Variants in NSUN2 observed in about 807,000 individuals in gnomAD.
NSUN2 encodes the protein NOP2/Sun RNA methyltransferase 2, also known as RNA cytosine C(5)-methyltransferase NSUN2.
NSUN2 carries 63 observed loss-of-function variants against 92.7 expected under a neutral mutation model. The ratio of observed to expected loss-of-function variants is 0.68; its 90% confidence interval spans 0.56 to 0.84. The LOEUF is 0.84. Among genes scored for constraint, NSUN2 ranks in the 40% least tolerant of loss-of-function variants. NSUN2 has a pLI of 0.00. For synonymous variants in NSUN2, 356 were observed against 348.3 expected (o/e 1.02, Z -0.25); for missense variants, 989 against 964.9 (o/e 1.02, Z -0.33).
At chr5:6,622,306 G>A (rs773369128) in intron 5 of NSUN2, among the ~76,000 whole-genome samples, 3 of 152,166 alleles carry the variant, frequency 2.0e-5, no homozygotes, top group Non-Finnish European at 4.4e-5. Flanking sequence ...CAAAGAGGAT[G>A]GGAGGAGAAT....
intron 14 of NSUN2, among the ~76,000 whole-genome samples, chr5:6,605,652 C>T (rs928813901): frequency 7.2e-5 from 11 of 152,150 alleles, no homozygotes; most frequent in African/African-American, 2.7e-4. Context: ...GCTTCTCTCC[C>T]TCAGCCGCTA....
rs149780056 is a variant in NSUN2 at position 6,602,997 on chromosome 5, G to A, written c.1958-497C>T. ...GGTTCTTGCCTGGAGACGGCAGTGG[G>A]AGACAGACTCCACAGAGCATGTTTT... On this transcript the variant is annotated intron_variant, in intron 17 of 18. Transcript: ENST00000264670. Among the ~76,000 whole-genome samples the A allele has an allele frequency of 2.8e-3, 429 of 152,298 alleles. 5 individuals are homozygous for A. Among genetic ancestry groups the A allele is most frequent in the African/African-American group, 1.0e-2 (415 of 41,556 alleles).
At chr5:6,601,721 C>G (rs976850684) in intron 18 of NSUN2, among the ~76,000 whole-genome samples, 1 of 152,136 alleles carries the variant, frequency 6.6e-6, no homozygotes, top group African/African-American at 2.4e-5. Context: ...CACTAACTTC[C>G]CAAAGAAATC....
rs1736960571 is a variant in NSUN2, at chr5:6,610,956, A to T, written c.1225T>A (p.Cys409Ser). The change falls in exon 11 of 19, where the codon TGC becomes AGC. Residue 409 changes from cysteine (C) to serine (S), a missense_variant and splice_region_variant. Physicochemically the swap from Cys to Ser is moderately radical, Grantham distance 112 (BLOSUM62 -1). This residue lies in a region of NSUN2 where 626 missense variants were observed against 602.3 expected (regional missense o/e 1.04). Coordinates refer to ENST00000264670, the MANE Select transcript of NSUN2 (RefSeq NM_017755.6). ...EKLQAMHLER[C>S]LRILPHHQNT... ...CACCTGGAGGCCCCACCAGCTCACC[A>T]TCGCTCCAGGTGCATGGCCTGCAGC... 6.2e-7 allele frequency: 1 copy of T among 1,613,926 alleles called. No homozygotes were observed. Among genetic ancestry groups the T allele is most frequent in the African/African-American group, 1.3e-5 (1 of 74,996 alleles).
chr5:6,625,471 G>A, intron 4 of NSUN2, 93 bp downstream of exon 4: 1 of 856,164 alleles, frequency 1.2e-6, no homozygotes, highest in Non-Finnish European at 1.9e-6. Flanking sequence ...TCCACCTACT[G>A]CTTCTAGTGA....
intron 9 of NSUN2, among the ~76,000 whole-genome samples, chr5:6,615,598 C>A (rs1238855037): frequency 9.9e-6 from 1 of 100,788 alleles, no homozygotes; most frequent in Non-Finnish European, 2.1e-5. Context: ...TACATTCCAG[C>A]TTAAAGGACC....
chr5:6,611,225 G>GACAAA, intron 10 of NSUN2, 140 bp from the exon 11 acceptor site: 1 of 922,382 alleles, frequency 1.1e-6, no homozygotes, highest in East Asian at 2.6e-5. Context: ...TATTTGCCAA[G>GACAAA]ACAAAACAAA....
chr5:6,617,729 AG>A (rs761909193), intron 8 of NSUN2, among the ~76,000 whole-genome samples: 2 of 152,242 alleles, frequency 1.3e-5, no homozygotes, highest in Non-Finnish European at 2.9e-5. Context: ...TTTTTATAGA[AG>A]GCATTTTTAA....
rs10076470 is a variant in NSUN2 at position 6,632,762 on chromosome 5, G to A, written c.97-6C>T. On this transcript the variant is annotated splice_region_variant and splice_polypyrimidine_tract_variant and intron_variant, in intron 1 of 18. Transcript: ENST00000264670. ...GGGTAGCCTCCTTCCCAGCCCTGAG[G>A]AAGGAAAGAGACGTCTACCCCGAGG... 573,089 of 1,611,868 alleles carry A rather than the reference G, an allele frequency of 0.36. 105,131 individuals carry two copies. The highest frequency in any genetic ancestry group is 0.38 in the Non-Finnish European group (445,398 of 1,178,786).
intron 6 of NSUN2, chr5:6,621,525 G>T (rs1465325716): frequency 6.6e-6 from 1 of 152,268 alleles, no homozygotes; most frequent in African/African-American, 2.4e-5. Flanking sequence ...AAGGCGGGCG[G>T]ATCACGAGGT....
At chr5:6,630,306 ATTC>A (rs1443967320) in intron 3 of NSUN2, among the ~76,000 whole-genome samples, 2 of 152,236 alleles carry the variant, frequency 1.3e-5, no homozygotes, top group East Asian at 3.9e-4. Flanking sequence ...TGGCATATCT[ATTC>A]TTTTTTCCCT....
chr5:6,623,139 G>A, intron 5 of NSUN2, 75 bp downstream of exon 5: 9 of 1,251,810 alleles, frequency 7.2e-6, no homozygotes, highest in Non-Finnish European at 1.0e-5. Flanking sequence ...AAGAAAAAAT[G>A]GTTTCATCAA....
intron 9 of NSUN2, among the ~76,000 whole-genome samples, chr5:6,616,347 GACA>G (rs1737211541): frequency 6.6e-6 from 1 of 152,316 alleles, no homozygotes; most frequent in African/African-American, 2.4e-5. Flanking sequence ...TTTTGACACA[GACA>G]ACAACACAAG....
intron 5 of NSUN2, among the ~76,000 whole-genome samples, chr5:6,622,919 TC>T (rs949036147): frequency 1.3e-5 from 2 of 151,064 alleles, no homozygotes; most frequent in Non-Finnish European, 2.9e-5. Flanking sequence ...CAATACATGT[TC>T]ACTATCATTT....
At position 6,604,240 on chromosome 5, in the gene NSUN2, T is replaced by C. The variant is rs1160708358; in HGVS notation, c.1855A>G (p.Ile619Val). 8.7e-6 allele frequency: 14 copies of C among 1,603,060 alleles called. No homozygotes were observed. The highest frequency in any genetic ancestry group is 1.3e-5 in the African/African-American group (1 of 74,668). Residue 619 changes from isoleucine to valine, a missense_variant, in exon 17 of 19, where the codon ATT becomes GTT. By Grantham distance (29) the Ile-to-Val change is conservative (BLOSUM62 3). Around this residue, in one of 3 missense-constraint regions of NSUN2, gnomAD observed 626 missense variants for 602.3 expected, o/e 1.04. Coordinates refer to ENST00000264670, the MANE Select transcript of NSUN2 (RefSeq NM_017755.6). ...ACATCTTCCATTGATACAGTAATAA[T>C]TCTTGAGTTAATAAATGGATACAAT... ...YTLYPFINSR[I>V]ITVSMEDVKI...
chr5:6,608,424 C>A (rs749578703), intron 12 of NSUN2, among the ~76,000 whole-genome samples: 42 of 152,216 alleles, frequency 2.8e-4, no homozygotes, highest in Non-Finnish European at 4.9e-4. Flanking sequence ...CAACAGAACA[C>A]GGCATCCTGA....
chr5:6,607,034 A>G, intron 13 of NSUN2, 122 bp from the exon 14 acceptor site: 1 of 974,056 alleles, frequency 1.0e-6, no homozygotes, highest in Non-Finnish European at 1.6e-6. Flanking sequence ...GCAGATGTTG[A>G]AACCTTCCGG....
At chr5:6,632,520 T>C in intron 2 of NSUN2, 79 bp downstream of exon 2, 1 of 1,522,956 alleles carries the variant, frequency 6.6e-7, no homozygotes, top group South Asian at 1.2e-5. Context: ...ACTGTAACAC[T>C]TGTCGAAGAA....
chr5:6,620,493 A>G (rs558915992), intron 6 of NSUN2, 195 bp from the exon 7 acceptor site: 2 of 414,956 alleles, frequency 4.8e-6, no homozygotes, highest in East Asian at 7.1e-5. Flanking sequence ...TTTTATGGAC[A>G]CTCGAATTTT....
Sources: allele counts gnomAD v4.1 joint callset (sites outside exome capture counted in the v4.1 genomes callset), GRCh38; gene constraint gnomAD v4.1.1; regional missense constraint gnomAD v4.1.1; transcripts MANE v1.5; gene names NCBI Gene and HGNC (gene_info 2026-07-23, HGNC 2026-07-21).